Variants in MATR3 observed in about 807,000 individuals in gnomAD.
MATR3 encodes the protein matrin-3.
In MATR3, 4 loss-of-function variants were observed where a neutral mutation model predicts 85.5. The observed-to-expected ratio is 0.05, with a 90% CI of 0.02 to 0.11. MATR3 has a LOEUF of 0.11. MATR3 is among the 10% of genes least tolerant of loss of function. The pLI is 1.00. For synonymous variants in MATR3, 336 were observed against 343.1 expected (o/e 0.98, Z 0.23); for missense variants, 685 against 1,016.1 (o/e 0.67, Z 4.43).
At chr5:139,282,092 G>A (rs1350921541) in intron 3 of MATR3, among the ~76,000 whole-genome samples, 1 of 152,168 alleles carries the variant, frequency 6.6e-6, no homozygotes, top group African/African-American at 2.4e-5. Flanking sequence ...TAAGTGCCTA[G>A]GAATTCACAC....
chr5:139,322,089 A>G lies in MATR3; in HGVS notation c.1734+60A>G, dbSNP rs1029218752. 49 of 1,552,406 alleles carry G rather than the reference A, an allele frequency of 3.2e-5. No homozygotes were observed. The Admixed American group carries it at 7.5e-4, about 24-fold the overall frequency. On this transcript the variant is annotated intron_variant, in intron 10 of 14. Transcript: ENST00000394805. ...TTGTTTTTACATATTTAAAGCCACA[A>G]CATTCTTTTAAACATTTTTGTATGC...
At chr5:139,276,380 A>G (rs193202397) in intron 2 of MATR3, 788 of 367,340 alleles carry the variant, frequency 2.1e-3, no homozygotes, top group Middle Eastern at 3.8e-3. Context: ...TTGGAAGGAT[A>G]AGAATTGTCT....
intron 3 of MATR3, chr5:139,280,811 A>G (rs1378712248): frequency 1.3e-5 from 2 of 148,276 alleles, no homozygotes; most frequent in South Asian, 2.1e-4. Flanking sequence ...AGACGTTCCT[A>G]TATTGCTACT....
Position 139,331,612 on chromosome 5 carries a change from T to C in MATR3, c.*2217T>C, listed in dbSNP as rs1196403163. ...TTTAAGAACATTTTTCCTACGGCTA[T>C]GTCAGCCCTTAGTTTAATCTTACAT... is the stretch of plus-strand genomic sequence containing the variant. On this transcript the variant is annotated 3_prime_UTR_variant, in exon 15 of 15. Transcript: ENST00000394805. 2.6e-5 allele frequency: 12 copies of C among 453,976 alleles called. No homozygotes were observed. Among genetic ancestry groups the C allele is most frequent in the Admixed American group, 4.7e-5 (2 of 42,560 alleles). The allele number at this position is 453,976 out of a possible 1,614,324, so 28.1% of individuals were successfully genotyped here. A position where few individuals can be genotyped will look rare whatever the true frequency, so the allele number is the denominator to read the frequency against.
intron 2 of MATR3, among the ~76,000 whole-genome samples, chr5:139,308,565 T>G (rs1299158298): frequency 3.3e-5 from 5 of 152,256 alleles, no homozygotes; most frequent in African/African-American, 9.6e-5. Context: ...ACTGAGATTA[T>G]CTTGTTGGTT....
At chr5:139,321,573 A>C (rs189386910) in intron 9 of MATR3, among the ~76,000 whole-genome samples, 58 of 152,306 alleles carry the variant, frequency 3.8e-4, no homozygotes, top group African/African-American at 1.2e-3. Context: ...GCCTGAGTCC[A>C]GGAGCCCGAG....
chr5:139,305,873 T>A (rs1377396183), intron 1 of MATR3, among the ~76,000 whole-genome samples: 1 of 152,192 alleles, frequency 6.6e-6, no homozygotes, highest in Non-Finnish European at 1.5e-5. Flanking sequence ...GCCTGCAACT[T>A]TTTTTATACT....
At chr5:139,281,157 T>C (rs1379966597) in intron 3 of MATR3, among the ~76,000 whole-genome samples, 2 of 150,802 alleles carry the variant, frequency 1.3e-5, no homozygotes, top group African/African-American at 4.9e-5. Flanking sequence ...ACTATAGGCA[T>C]GTGCTGCCAT....
At chr5:139,277,546 T>C (rs1753331534) in intron 2 of MATR3, among the ~76,000 whole-genome samples, 1 of 152,106 alleles carries the variant, frequency 6.6e-6, no homozygotes, top group South Asian at 2.1e-4. Context: ...GCTAGTGATA[T>C]CTGTAGGGCT....
At chr5:139,311,199 A>G (rs1447324427) in intron 2 of MATR3, 1 of 152,144 alleles carries the variant, frequency 6.6e-6, no homozygotes, top group Non-Finnish European at 1.5e-5. Flanking sequence ...TTGAGTTTAT[A>G]TTAAGTTATA....
intron 1 of MATR3, among the ~76,000 whole-genome samples, chr5:139,275,250 G>T (rs1225494372): frequency 7.0e-6 from 1 of 142,972 alleles, no homozygotes; most frequent in Non-Finnish European, 1.5e-5. Context: ...GCCAGCCTCA[G>T]CCTCCCAAAG....
At chr5:139,315,992 AT>A (rs755030560) in intron 4 of MATR3, 83 bp from the exon 5 acceptor site, 1 of 1,033,004 alleles carries the variant, frequency 9.7e-7, no homozygotes, top group Non-Finnish European at 1.5e-6. Context: ...GTGGTCATAT[AT>A]TGGGGTGCTT....
At chr5:139,303,694 C>G (rs1754569661) in intron 1 of MATR3, among the ~76,000 whole-genome samples, 1 of 151,498 alleles carries the variant, frequency 6.6e-6, no homozygotes, top group African/African-American at 2.4e-5. Context: ...CAATGCACTC[C>G]CAGGTGTGAT....
At chr5:139,298,730 T>C (rs1754289167) in intron 1 of MATR3, among the ~76,000 whole-genome samples, 1 of 152,184 alleles carries the variant, frequency 6.6e-6, no homozygotes, top group African/African-American at 2.4e-5. Flanking sequence ...AATGCTTGTG[T>C]CTGTCTTTGT....
intron 13 of MATR3, 152 bp downstream of exon 13, chr5:139,325,814 T>C (rs1755826210): frequency 5.6e-6 from 4 of 711,874 alleles, no homozygotes; most frequent in South Asian, 5.4e-5. Context: ...TAAATCTTAA[T>C]TGATATATTT....
chr5:139,317,372 G>T (rs1312389231), intron 6 of MATR3, among the ~76,000 whole-genome samples: 1 of 152,186 alleles, frequency 6.6e-6, no homozygotes, highest in African/African-American at 2.4e-5. Flanking sequence ...TCACTACAGA[G>T]AGTATGTTTT....
intron 6 of MATR3, 144 bp from the exon 7 acceptor site, chr5:139,317,452 G>A (rs1755310069): frequency 1.2e-6 from 1 of 826,892 alleles, no homozygotes; most frequent in African/African-American, 1.7e-5. Flanking sequence ...TTGATATGTA[G>A]CTTTAAAATT....
intron 2 of MATR3, chr5:139,313,459 G>A (rs976224166): frequency 1.3e-5 from 2 of 151,740 alleles, no homozygotes; most frequent in Non-Finnish European, 2.9e-5. Context: ...AAATAACACG[G>A]ACCAAAGATT....
intron 14 of MATR3, among the ~76,000 whole-genome samples, 199 bp downstream of exon 14, chr5:139,326,483 C>G (rs1383835290): frequency 6.7e-6 from 1 of 150,188 alleles, no homozygotes; most frequent in African/African-American, 2.5e-5. Flanking sequence ...TGCAATGGTG[C>G]AATCTTGGCT....
Sources: gnomAD v4.1 joint callset for allele counts (sites outside exome capture counted in the v4.1 genomes callset) on GRCh38, gnomAD v4.1.1 for gene constraint, MANE v1.5 for transcripts, NCBI Gene and HGNC (gene_info 2026-07-23, HGNC 2026-07-21) for gene names.